GSTM2: variants seen among roughly 807,000 people sequenced by gnomAD.
GSTM2 encodes the protein GST class-mu 2.
A neutral mutation model predicts 33.3 loss-of-function variants in GSTM2; 33 were observed. That is an observed-to-expected ratio of 0.99 (90% CI 0.75 to 1.33). The LOEUF (loss-of-function observed/expected upper bound fraction) is 1.33. Among genes scored for constraint, GSTM2 ranks in the 40% most tolerant of loss-of-function variants. The probability of loss-of-function intolerance (pLI) is 0.00; values close to 1 mark genes in which losing one functional copy is unlikely to be tolerated. For synonymous variants in GSTM2, 93 were observed against 95.6 expected (o/e 0.97, Z 0.16); for missense variants, 213 against 265.8 (o/e 0.80, Z 1.38).
downstream of GSTM2, among the ~76,000 whole-genome samples, chr1:109,677,239 T>A (rs1458348678): frequency 6.6e-6 from 1 of 152,170 alleles, no homozygotes; most frequent in African/African-American, 2.4e-5. Context: ...GAAAGCCACT[T>A]TGGAATACTG....
chr1:109,669,643 G>A (rs557318586), intron 5 of GSTM2, 72 bp downstream of exon 5: 3 of 965,842 alleles, frequency 3.1e-6, no homozygotes, highest in Non-Finnish European at 4.8e-6. Context: ...CAGAGTTTGT[G>A]TCCAAAATTG....
intron 7 of GSTM2, 97 bp downstream of exon 7, chr1:109,671,680 A>C: frequency 1.2e-6 from 1 of 846,036 alleles, no homozygotes. Context: ...AATAACTCAC[A>C]TTTTTGGCCA....
intron 7 of GSTM2, chr1:109,673,150 G>A (rs1400537179): frequency 2.6e-5 from 42 of 1,599,640 alleles, no homozygotes; most frequent in Non-Finnish European, 3.0e-5. Flanking sequence ...GATTACAAGC[G>A]TGAGCCACCG....
Position 109,669,544 on chromosome 1 carries a change from G to A in GSTM2, c.333G>A (p.Leu111=), listed in dbSNP as rs779889575. ...ENQFMDSRMQ[L]AKLCYDPDFE... is the part of the protein sequence containing the mutation. Reference sequence around the variant, plus strand: ...AGTTTATGGACAGCCGTATGCAGCTGGCCAAACTCTGCTATGACCCAGATT... The same window carrying A: ...AGTTTATGGACAGCCGTATGCAGCTAGCCAAACTCTGCTATGACCCAGATT... The change falls in exon 5 of 8, where the codon CTG becomes CTA. Residue 111 remains leucine (L), a synonymous_variant. Transcript: ENST00000241337. 1 of 1,611,088 alleles carries A rather than the reference G, an allele frequency of 6.2e-7. No individual in the cohort carries two copies. The highest frequency in any genetic ancestry group is 1.1e-5 in the South Asian group (1 of 91,048).
Position 109,671,401 on chromosome 1 carries a change from G to C in GSTM2, c.456+19G>C. 6.3e-7 allele frequency: 1 copy of C among 1,592,460 alleles called. No individual in the cohort carries two copies. Among genetic ancestry groups the C allele is most frequent in the Non-Finnish European group, 8.6e-7 (1 of 1,160,268 alleles). ...GGACAAGGTAATGGGGGCGTGTGAT[G>C]GGGACACCACAGATTTGTCATACTT... is the stretch of plus-strand genomic sequence containing the variant. On this transcript the variant is annotated intron_variant, in intron 6 of 7. Transcript: ENST00000241337.
chr1:109,674,126 G>T (rs1179783117), intron 7 of GSTM2, among the ~76,000 whole-genome samples: 1 of 152,192 alleles, frequency 6.6e-6, no homozygotes, highest in African/African-American at 2.4e-5. Context: ...CTTTCATCCA[G>T]GTTTTACTGA....
At chr1:109,678,225 A>T (rs1261692821), downstream of GSTM2, among the ~76,000 whole-genome samples, 1 of 151,930 alleles carries the variant, frequency 6.6e-6, no homozygotes, top group Non-Finnish European at 1.5e-5. Flanking sequence ...GCTCACTGCA[A>T]CCTCTGCCTC....
downstream of GSTM2, among the ~76,000 whole-genome samples, chr1:109,677,008 C>G (rs933312029): frequency 5.3e-5 from 8 of 152,116 alleles, no homozygotes; most frequent in African/African-American, 1.9e-4. Context: ...TCCGAAAATA[C>G]AACTCATTAA....
chr1:109,668,630 C>G, intron 2 of GSTM2, 130 bp downstream of exon 2: 1 of 1,104,652 alleles, frequency 9.1e-7, no homozygotes, highest in Non-Finnish European at 1.4e-6. Context: ...TTCCCTGAGC[C>G]CTGGTGAGGG....
In GSTM2 at chr1:109,669,473, G is replaced by A. The variant is rs1647450806; in HGVS notation, c.262G>A (p.Gly88Arg). The A allele has an allele frequency of 3.7e-6, 6 of 1,613,720 alleles. No homozygotes were observed. Among genetic ancestry groups the A allele is most frequent in the Admixed American group, 1.7e-5 (1 of 60,004 alleles). ...GTGAATCTGCTTTACGAGGGTAGGC[G>A]GGGAATCAGAAAAGGAGCAGATTCG... ...RYIARKHNLC[G>R]ESEKEQIRED... Residue 88 changes from glycine to arginine, a missense_variant and splice_region_variant, in exon 5 of 8, where the codon GGG becomes AGG. Coordinates refer to ENST00000241337, the MANE Select transcript of GSTM2 (RefSeq NM_000848.4).
At chr1:109,670,388 C>T (rs1344778413) in intron 5 of GSTM2, among the ~76,000 whole-genome samples, 1 of 152,192 alleles carries the variant, frequency 6.6e-6, no homozygotes. Flanking sequence ...TGTGGTCCTG[C>T]CAAATACACG....
chr1:109,674,734 T>G lies in GSTM2; in HGVS notation c.568-13T>G, dbSNP rs1557959908. ...CTGACCTTGAGTTCTGGCCTTATTT[T>G]CCCCCCTCTCAGGGCTTGGAGAAGA... On this transcript the variant is annotated splice_polypyrimidine_tract_variant and intron_variant, in intron 7 of 7. Coordinates refer to ENST00000241337, the MANE Select transcript of GSTM2 (RefSeq NM_000848.4). 1.2e-6 allele frequency: 2 copies of G among 1,613,844 alleles called. No homozygotes were observed. The highest frequency in any genetic ancestry group is 2.7e-5 in the African/African-American group (2 of 74,844).
chr1:109,678,025 C>T (rs71663096), downstream of GSTM2, among the ~76,000 whole-genome samples: 8 of 152,200 alleles, frequency 5.3e-5, no homozygotes, highest in Non-Finnish European at 1.2e-4. Flanking sequence ...GCAAATTATA[C>T]GTTCATCTTA....
downstream of GSTM2, among the ~76,000 whole-genome samples, chr1:109,678,668 G>T (rs764710375): frequency 6.6e-6 from 1 of 150,444 alleles, no homozygotes; most frequent in Admixed American, 6.6e-5. Flanking sequence ...GCTGAGGCAG[G>T]ACAATTGCTT....
chr1:109,668,469 C>T lies in GSTM2; in HGVS notation c.81C>T (p.Ser27=), dbSNP rs1557957471. 3.1e-6 allele frequency: 5 copies of T among 1,614,182 alleles called. No homozygotes were observed. Among genetic ancestry groups the T allele is most frequent in the Non-Finnish European group, 4.2e-6 (5 of 1,180,010 alleles). ...TGCTCCTGGAATACACAGACTCAAGCTACGAGGAAAAGAAGTACACGATGG... is the reference window on the plus strand; with the variant it reads ...TGCTCCTGGAATACACAGACTCAAGTTACGAGGAAAAGAAGTACACGATGG... ...IRLLLEYTDS[S]YEEKKYTMGD... The change falls in exon 2 of 8, where the codon AGC becomes AGT. Residue 27 remains serine, a synonymous_variant. Transcript: ENST00000241337.
In GSTM2 at chr1:109,669,277, C is replaced by G. The variant is rs374930518; in HGVS notation, c.178-13C>G. The G allele has an allele frequency of 1.3e-4, 217 of 1,613,926 alleles. No individual in the cohort carries two copies. The highest frequency in any genetic ancestry group is 1.7e-4 in the Non-Finnish European group (196 of 1,179,962). ...TGGCCCAACTGAGCTTCCCCGGTTTCCCATCTATCCAGCTGCCCTACTTGA... is the reference window on the plus strand; with the variant it reads ...TGGCCCAACTGAGCTTCCCCGGTTTGCCATCTATCCAGCTGCCCTACTTGA... On this transcript the variant is annotated splice_polypyrimidine_tract_variant and intron_variant, in intron 3 of 7. Transcript: ENST00000241337.
chr1:109,679,269 G>A (rs1343998147), downstream of GSTM2, among the ~76,000 whole-genome samples: 1 of 151,970 alleles, frequency 6.6e-6, no homozygotes, highest in Non-Finnish European at 1.5e-5. Flanking sequence ...TCAGGAGTTT[G>A]AGACCAGCCT....
rs1647396121 is a variant in GSTM2 at position 109,668,078 on chromosome 1, G to T, written c.-38G>T. On this transcript the variant is annotated 5_prime_UTR_variant, in exon 1 of 8. Transcript: ENST00000241337. The stretch of plus-strand genomic sequence containing the variant: ...TCTCACAAACGCTGAGCCCCGCCCC[G>T]CTGAGGCCTGTCTGCAGAATCCACA... 3 of 1,611,230 alleles carry T rather than the reference G, an allele frequency of 1.9e-6. No individual in the cohort carries two copies. The highest frequency in any genetic ancestry group is 2.5e-6 in the Non-Finnish European group (3 of 1,177,518).
intron 5 of GSTM2, chr1:109,670,193 T>A (rs1356822420): frequency 7.8e-6 from 1 of 128,620 alleles, no homozygotes; most frequent in Non-Finnish European, 1.7e-5. Context: ...TTGGTCCGTT[T>A]TACAGAGTGC....
Sources: gnomAD v4.1 joint callset for allele counts (sites outside exome capture counted in the v4.1 genomes callset) on GRCh38, gnomAD v4.1.1 for gene constraint, MANE v1.5 for transcripts, NCBI Gene and HGNC (gene_info 2026-07-23, HGNC 2026-07-21) for gene names.